The following PTPRD variants were observed in gnomAD, a reference collection of about 807,000 sequenced individuals.
The protein encoded by PTPRD is protein tyrosine phosphatase receptor type D.
In PTPRD, 34 loss-of-function variants were observed where a neutral mutation model predicts 214.5. The ratio of observed to expected loss-of-function variants is 0.16; its 90% CI spans 0.12 to 0.21. PTPRD has a LOEUF of 0.21. Ranked by LOEUF, PTPRD falls within the 10% of genes least tolerant of loss-of-function variation. The pLI is 1.00. For missense variants in PTPRD, 2,545 were observed against 2,398.7 expected (o/e 1.06, Z -1.27); for synonymous variants, 1,128 against 845.7 (o/e 1.33, Z -5.79).
intron 12 of PTPRD, among the ~76,000 whole-genome samples, chr9:8,655,917 C>T (rs1173539170): frequency 6.6e-6 from 1 of 152,102 alleles, no homozygotes; most frequent in Non-Finnish European, 1.5e-5. Flanking sequence ...GTTCGAGAAT[C>T]TTCCATGGTT....
chr9:9,433,970 G>A (rs888145709), intron 8 of PTPRD, among the ~76,000 whole-genome samples: 7 of 152,058 alleles, frequency 4.6e-5, no homozygotes, highest in African/African-American at 1.7e-4. Context: ...ACATGATTCA[G>A]CTAAACAGAA....
chr9:9,156,504 T>C (rs1041093234), intron 10 of PTPRD, among the ~76,000 whole-genome samples: 3 of 151,818 alleles, frequency 2.0e-5, no homozygotes, highest in African/African-American at 7.2e-5. Flanking sequence ...AACTTAAAAA[T>C]AAATTTATTT....
chr9:10,324,478 G>T (rs974661252), intron 3 of PTPRD, among the ~76,000 whole-genome samples: 19 of 151,932 alleles, frequency 1.3e-4, no homozygotes, highest in Admixed American at 9.8e-4. Context: ...ACAAGTAGAT[G>T]GATAATATTG....
At chr9:9,751,337 G>T (rs1334082243) in intron 6 of PTPRD, among the ~76,000 whole-genome samples, 1 of 152,048 alleles carries the variant, frequency 6.6e-6, no homozygotes, top group African/African-American at 2.4e-5. Context: ...AAGTGGATAT[G>T]AAGTCCAACT....
At chr9:8,451,478 G>A (rs568573130) in intron 33 of PTPRD, among the ~76,000 whole-genome samples, 7 of 152,234 alleles carry the variant, frequency 4.6e-5, no homozygotes, top group East Asian at 1.9e-4. Context: ...ATATGAGGAC[G>A]AAGAAAAAGA....
chr9:10,535,459 A>C (rs2057534239), intron 2 of PTPRD, among the ~76,000 whole-genome samples: 1 of 152,120 alleles, frequency 6.6e-6, no homozygotes, highest in South Asian at 2.1e-4. Context: ...ATTTATTTGT[A>C]ATCTGGTGAG....
chr9:9,142,886 C>G (rs773690035), intron 10 of PTPRD, among the ~76,000 whole-genome samples: 3 of 152,088 alleles, frequency 2.0e-5, no homozygotes, highest in Non-Finnish European at 2.9e-5. Flanking sequence ...GTTGGGCTTC[C>G]TGGTCTTCTG....
At chr9:8,903,883 A>G (rs954379016) in intron 11 of PTPRD, among the ~76,000 whole-genome samples, 1 of 146,602 alleles carries the variant, frequency 6.8e-6, no homozygotes, top group African/African-American at 2.8e-5. Flanking sequence ...ATATTTACAT[A>G]TTTATATCCC....
At chr9:9,827,900 A>G (rs2053503280) in intron 5 of PTPRD, among the ~76,000 whole-genome samples, 1 of 152,208 alleles carries the variant, frequency 6.6e-6, no homozygotes. Flanking sequence ...GACACATGAA[A>G]AAATGCTCAT....
At chr9:8,855,212 C>G (rs574135976) in intron 11 of PTPRD, among the ~76,000 whole-genome samples, 1 of 151,596 alleles carries the variant, frequency 6.6e-6, no homozygotes, top group East Asian at 1.9e-4. Context: ...AACAGTTATA[C>G]AGGCCCCTAG....
chr9:9,596,992 C>T (rs1379643607), intron 7 of PTPRD, among the ~76,000 whole-genome samples: 3 of 151,938 alleles, frequency 2.0e-5, no homozygotes, highest in African/African-American at 7.2e-5. Flanking sequence ...AGAATGCCTC[C>T]AGACTGACAA....
chr9:9,185,091 G>T (rs1163683305), intron 9 of PTPRD, among the ~76,000 whole-genome samples: 1 of 152,038 alleles, frequency 6.6e-6, no homozygotes, highest in Non-Finnish European at 1.5e-5. Context: ...AATGGGCTTG[G>T]AAGCTCCTTG....
At chr9:10,559,833 G>T (rs1158622408) in intron 2 of PTPRD, among the ~76,000 whole-genome samples, 1 of 152,116 alleles carries the variant, frequency 6.6e-6, no homozygotes, top group Non-Finnish European at 1.5e-5. Flanking sequence ...GGCCATCAGA[G>T]AAATGCAAAT....
intron 3 of PTPRD, among the ~76,000 whole-genome samples, chr9:10,057,687 C>CA (rs1184961854): frequency 9.9e-5 from 15 of 151,572 alleles, no homozygotes; most frequent in African/African-American, 2.9e-4. Flanking sequence ...TACTAAAATA[C>CA]AAAAAAATTA....
At chr9:8,736,301 C>T (rs1286412361) in intron 11 of PTPRD, among the ~76,000 whole-genome samples, 2 of 152,168 alleles carry the variant, frequency 1.3e-5, no homozygotes, top group Non-Finnish European at 2.9e-5. Flanking sequence ...GCAGAGTACA[C>T]TCTTAATGAA....
intron 31 of PTPRD, 152 bp downstream of exon 31, chr9:8,470,843 G>T (rs879023828): frequency 7.1e-5 from 46 of 644,942 alleles, no homozygotes; most frequent in South Asian, 4.8e-4. Context: ...ATCCCCAGGG[G>T]TTAGCATGCC....
At chr9:8,938,649 G>A (rs967625051) in intron 11 of PTPRD, among the ~76,000 whole-genome samples, 2 of 151,936 alleles carry the variant, frequency 1.3e-5, no homozygotes, top group Middle Eastern at 3.4e-3. Flanking sequence ...ACAAATGAAG[G>A]CTCCTGGTGA....
chr9:10,029,051 T>C (rs542324334), intron 4 of PTPRD, among the ~76,000 whole-genome samples: 42 of 152,212 alleles, frequency 2.8e-4, no homozygotes, highest in African/African-American at 8.9e-4. Flanking sequence ...GGGGCCAACA[T>C]AGAGCTCAGG....
At chr9:10,007,744 G>A (rs1345158194) in intron 4 of PTPRD, among the ~76,000 whole-genome samples, 1 of 151,812 alleles carries the variant, frequency 6.6e-6, no homozygotes, top group Non-Finnish European at 1.5e-5. Flanking sequence ...AATAGCTTCA[G>A]CATTTAAAAA....
Sources: allele counts gnomAD v4.1 joint callset (sites outside exome capture counted in the v4.1 genomes callset), GRCh38; gene constraint gnomAD v4.1.1; transcripts MANE v1.5; gene names NCBI Gene and HGNC (gene_info 2026-07-23, HGNC 2026-07-21).